The following SH3KBP1 variants were observed in gnomAD, a reference collection of about 807,000 sequenced individuals.
SH3KBP1 encodes the protein SH3 domain containing kinase binding protein 1, also known as SH3 domain-containing kinase-binding protein 1.
SH3KBP1 carries 8 observed loss-of-function variants against 50.1 expected under a neutral mutation model. The observed-to-expected ratio is 0.16, with a 90% CI of 0.09 to 0.29. The LOEUF (loss-of-function observed/expected upper bound fraction) is 0.29, where lower values mean the gene tolerates loss of function less well. SH3KBP1 is among the 10% of genes least tolerant of loss of function. The pLI is 1.00. For synonymous variants in SH3KBP1, 227 were observed against 218.6 expected, an observed-to-expected ratio of 1.04 and a Z score of -0.34; for missense variants, 377 against 535.2, an observed-to-expected ratio of 0.70 and a Z score of 2.92.
rs149228373 is a variant in SH3KBP1, at chrX:19,867,557, C to T, written c.4+19750G>A. On this transcript the variant is annotated intron_variant, in intron 1 of 17. Transcript: ENST00000397821. ...ATGCGATTCTCTTCCACCTCCTAAG[C>T]AAGAATTTGTCAGCTCCAGGCTAAG... 8.4e-3 allele frequency among the ~76,000 whole-genome samples: 934 copies of T among 111,678 alleles called. 14 individuals carry two copies. Among genetic ancestry groups the T allele is most frequent in the African/African-American group, 0.029 (883 of 30,696 alleles).
At chrX:19,787,700 C>T (rs1225486474) in intron 2 of SH3KBP1, among the ~76,000 whole-genome samples, 3 of 111,667 alleles carry the variant, frequency 2.7e-5, no homozygotes, top group Non-Finnish European at 5.6e-5. Flanking sequence ...GGAGTTCTCT[C>T]ACACTTTTAA....
At chrX:19,653,610 C>T (rs756926065) in intron 6 of SH3KBP1, among the ~76,000 whole-genome samples, 8 of 110,240 alleles carry the variant, frequency 7.3e-5, no homozygotes, top group Non-Finnish European at 1.1e-4. Flanking sequence ...ACTCAGGAGG[C>T]TGAGGCAGGA....
intron 3 of SH3KBP1, among the ~76,000 whole-genome samples, chrX:19,744,059 T>A (rs752209112): frequency 1.3e-4 from 15 of 111,996 alleles, no homozygotes; most frequent in Non-Finnish European, 1.9e-5. Flanking sequence ...GAAAGCAACT[T>A]CCTTCCCTAA....
At chrX:19,800,100 T>C (rs2066851820) in intron 2 of SH3KBP1, among the ~76,000 whole-genome samples, 1 of 111,549 alleles carries the variant, frequency 9.0e-6, no homozygotes, top group African/African-American at 3.3e-5. Flanking sequence ...GAAGAGGACA[T>C]GCACGGGAAA....
chrX:19,815,582 T>G (rs1180156156), intron 2 of SH3KBP1, among the ~76,000 whole-genome samples: 1 of 110,976 alleles, frequency 9.0e-6, no homozygotes, highest in Admixed American at 9.6e-5. Context: ...ACAATCAATA[T>G]ACAGTCAAGA....
chrX:19,572,405 T>G (rs867456925), intron 12 of SH3KBP1, among the ~76,000 whole-genome samples: 1 of 88,520 alleles, frequency 1.1e-5, no homozygotes, highest in Non-Finnish European at 2.1e-5. Flanking sequence ...ATGTTATATA[T>G]AGTACATACA....
chrX:19,624,439 G>C (rs1414232853), intron 8 of SH3KBP1, among the ~76,000 whole-genome samples: 8 of 111,695 alleles, frequency 7.2e-5, no homozygotes, highest in African/African-American at 2.6e-4. Flanking sequence ...AATTTGTGTA[G>C]GCATATGCAC....
At chrX:19,624,845 C>T in intron 8 of SH3KBP1, among the ~76,000 whole-genome samples, 1 of 112,514 alleles carries the variant, frequency 8.9e-6, no homozygotes, top group Non-Finnish European at 1.9e-5. Context: ...TTGCTCAACA[C>T]TGACATTTTC....
chrX:19,758,327 C>CAAAAAA (rs60332447), intron 2 of SH3KBP1, among the ~76,000 whole-genome samples: 2 of 37,654 alleles, frequency 5.3e-5, no homozygotes, highest in African/African-American at 1.2e-4. Context: ...GACTTCGTTT[C>CAAAAAA]AAAAAAAAAA....
chrX:19,781,628 AAAC>A (rs2066183248), intron 2 of SH3KBP1, among the ~76,000 whole-genome samples: 1 of 109,725 alleles, frequency 9.1e-6, no homozygotes, highest in South Asian at 4.0e-4. Context: ...AAAAAAAAAA[AAAC>A]AACTCATATG....
intron 9 of SH3KBP1, among the ~76,000 whole-genome samples, chrX:19,596,872 T>C (rs963012922): frequency 3.0e-4 from 34 of 112,179 alleles, no homozygotes; most frequent in African/African-American, 1.1e-3. Flanking sequence ...CCTCTTGCTA[T>C]TTCCGCCACA....
At position 19,788,292 on chromosome X, in the gene SH3KBP1, A is replaced by C. The variant is rs908580379; in HGVS notation, c.163-41851T>G. Reference sequence around the variant, plus strand: ...TCCAAAAAAAAAAAAAAAACAAAAAAAAAAAACACAAAAATGAAGAACTTT... The same window carrying C: ...TCCAAAAAAAAAAAAAAAACAAAAACAAAAAACACAAAAATGAAGAACTTT... On this transcript the variant is annotated intron_variant, in intron 2 of 17. Transcript: ENST00000397821. 9.2e-5 allele frequency among the ~76,000 whole-genome samples: 10 copies of C among 108,416 alleles called. No individual in the cohort carries two copies. The East Asian group carries it at 2.3e-3, about 25-fold the overall frequency. 94.1% of individuals were successfully genotyped at this position (108,416 alleles called of 115,157 possible). A position where few individuals can be genotyped will look rare whatever the true frequency, so the allele number is the denominator to read the frequency against.
chrX:19,690,747 T>C (rs1243998287), intron 5 of SH3KBP1, among the ~76,000 whole-genome samples: 1 of 112,634 alleles, frequency 8.9e-6, no homozygotes, highest in Admixed American at 9.4e-5. Context: ...TGTGCAAAAC[T>C]GTAACTGAAA....
At chrX:19,823,009 A>G (rs2067570986) in intron 2 of SH3KBP1, among the ~76,000 whole-genome samples, 1 of 111,726 alleles carries the variant, frequency 9.0e-6, no homozygotes. Context: ...GTGGGTTAGG[A>G]GTTGTTTGCC....
intron 2 of SH3KBP1, among the ~76,000 whole-genome samples, chrX:19,752,275 A>T (rs1233590519): frequency 8.9e-6 from 1 of 112,189 alleles, no homozygotes; most frequent in African/African-American, 3.2e-5. Context: ...TAAAGTCTCT[A>T]TGCAGCCCTT....
intron 13 of SH3KBP1, among the ~76,000 whole-genome samples, chrX:19,567,686 T>A (rs1340299939): frequency 9.5e-6 from 1 of 105,216 alleles, no homozygotes; most frequent in Non-Finnish European, 1.9e-5. Flanking sequence ...TATAGTTCTG[T>A]AAGATGTTAC....
At chrX:19,765,484 T>G (rs2065577375) in intron 2 of SH3KBP1, among the ~76,000 whole-genome samples, 1 of 111,273 alleles carries the variant, frequency 9.0e-6, no homozygotes, top group South Asian at 3.8e-4. Flanking sequence ...ATGCTCGCTC[T>G]CTCTCTGACC....
intron 6 of SH3KBP1, among the ~76,000 whole-genome samples, chrX:19,674,652 C>T (rs1192098409): frequency 8.9e-6 from 1 of 112,482 alleles, no homozygotes. Context: ...GTGACTAACA[C>T]AGACAAGGTC....
At chrX:19,663,033 T>C (rs1411764856) in intron 6 of SH3KBP1, among the ~76,000 whole-genome samples, 2 of 111,254 alleles carry the variant, frequency 1.8e-5, no homozygotes. Context: ...AGTCTTAAGG[T>C]TGTAAGTTAT....
Sources: allele counts gnomAD v4.1 joint callset (sites outside exome capture counted in the v4.1 genomes callset), GRCh38; gene constraint gnomAD v4.1.1; transcripts MANE v1.5; gene names NCBI Gene and HGNC (gene_info 2026-07-23, HGNC 2026-07-21).